SLTM: variants seen among roughly 807,000 people sequenced by gnomAD.
SLTM encodes the protein SAFB like transcription modulator.
Under a neutral mutation model 134.6 loss-of-function variants are expected in SLTM, and 43 were observed. The ratio of observed to expected loss-of-function variants is 0.32; its 90% confidence interval spans 0.25 to 0.41. SLTM has a LOEUF of 0.41. Among genes scored for constraint, SLTM ranks in the 10% least tolerant of loss-of-function variants. The pLI is 1.00. For synonymous variants in SLTM, 424 were observed against 432.3 expected, an observed-to-expected ratio of 0.98 and a Z score of 0.24; for missense variants, 1,055 against 1,288.8, an observed-to-expected ratio of 0.82 and a Z score of 2.78.
intron 2 of SLTM, among the ~76,000 whole-genome samples, chr15:58,928,728 CTCG>C (rs1426905909): frequency 6.6e-6 from 1 of 152,122 alleles, no homozygotes; most frequent in African/African-American, 2.4e-5. Flanking sequence ...TATGAAGCTT[CTCG>C]TCATTTAACT....
intron 19 of SLTM, among the ~76,000 whole-genome samples, chr15:58,884,613 G>A (rs894261437): frequency 4.0e-5 from 6 of 151,872 alleles, no homozygotes; most frequent in African/African-American, 1.5e-4. Context: ...CACCACACCT[G>A]GCCAATTCCT....
intron 7 of SLTM, 67 bp from the exon 8 acceptor site, chr15:58,898,919 T>G: frequency 8.6e-7 from 1 of 1,158,074 alleles, no homozygotes; most frequent in Non-Finnish European, 1.3e-6. Flanking sequence ...ACAGAACAGC[T>G]TGATATTTAC....
chr15:58,917,096 AAACT>A (rs2036703469), intron 2 of SLTM, 97 bp from the exon 3 acceptor site: 1 of 1,093,568 alleles, frequency 9.1e-7, no homozygotes, highest in Non-Finnish European at 1.4e-6. Context: ...CTCCACTCCC[AAACT>A]ATCTGACAAA....
chr15:58,909,397 C>T (rs2036098655), intron 5 of SLTM, among the ~76,000 whole-genome samples: 1 of 152,150 alleles, frequency 6.6e-6, no homozygotes, highest in Admixed American at 6.5e-5. Context: ...AGTGAAGCAG[C>T]TCAATATTCT....
chr15:58,883,709 T>G lies in SLTM; in HGVS notation c.2913A>C (p.Pro971=). 1 of 1,613,962 alleles carries G rather than the reference T, an allele frequency of 6.2e-7. No individual in the cohort carries two copies. Among genetic ancestry groups the G allele is most frequent in the South Asian group, 1.1e-5 (1 of 91,070 alleles). ...TSGPRKEWHG[P]PSQGPSYHDT... ...CATGATAGCTAGGCCCTTGAGAGGG[T>G]GGACCATGCCACTCTTTCCTTGGTC... is the stretch of plus-strand genomic sequence containing the variant. Residue 971 remains proline (P), a synonymous_variant, in exon 20 of 21, where the codon CCA becomes CCC. Coordinates refer to ENST00000380516, the MANE Select transcript of SLTM (RefSeq NM_024755.4).
chr15:58,903,315 A>G (rs4424860), intron 5 of SLTM, among the ~76,000 whole-genome samples: 147,393 of 152,302 alleles, frequency 0.97, 71,489 homozygotes, highest in East Asian at 1. Flanking sequence ...GATTACAGGC[A>G]TGGGCCAGCG....
chr15:58,932,742 C>A (rs1438636305), intron 1 of SLTM, among the ~76,000 whole-genome samples: 2 of 152,190 alleles, frequency 1.3e-5, no homozygotes, highest in African/African-American at 4.8e-5. Flanking sequence ...AGAAAAGTTG[C>A]TAGCTACTAA....
chr15:58,899,391 A>T lies in SLTM; in HGVS notation c.1058+78T>A, dbSNP rs766853362. 2.6e-6 allele frequency: 3 copies of T among 1,168,264 alleles called. No homozygotes were observed. Among genetic ancestry groups the T allele is most frequent in the Admixed American group, 1.9e-5 (1 of 52,038 alleles). The allele number at this position is 1,168,264 out of a possible 1,614,324, so 72.4% of individuals were successfully genotyped here. A position where few individuals can be genotyped will look rare whatever the true frequency, so the allele number is the denominator to read the frequency against. On this transcript the variant is annotated intron_variant, in intron 7 of 20. Coordinates refer to ENST00000380516, the MANE Select transcript of SLTM (RefSeq NM_024755.4). This position sits in a 1 kb window ranked among gnomAD's most constrained non-coding sequence, Gnocchi z 5.0. ...CACTAATTACTGTACATGTTCTTGAAGCCACCCCCTTAATGTAGAGTGATC... is the reference window on the plus strand; with the variant it reads ...CACTAATTACTGTACATGTTCTTGATGCCACCCCCTTAATGTAGAGTGATC...
chr15:58,915,768 G>A (rs1489410511), intron 3 of SLTM, among the ~76,000 whole-genome samples: 1 of 151,824 alleles, frequency 6.6e-6, no homozygotes, highest in African/African-American at 2.4e-5. Flanking sequence ...GAGATGGGTG[G>A]GTAAATGAAC....
intron 3 of SLTM, among the ~76,000 whole-genome samples, chr15:58,914,142 T>G (rs1361489985): frequency 6.6e-6 from 1 of 152,204 alleles, no homozygotes; most frequent in Admixed American, 6.5e-5. Context: ...TCTTGAAAAA[T>G]ATGCAAATAA....
At position 58,879,825 on chromosome 15, in the gene SLTM, C is replaced by T. The variant is rs1163967252; in HGVS notation, c.*174G>A. 1 of 749,782 alleles carries T rather than the reference C, an allele frequency of 1.3e-6. No homozygotes were observed. The highest frequency in any genetic ancestry group is 2.9e-5 in the East Asian group (1 of 34,014). The allele number at this position is 749,782 out of a possible 1,614,324, so 46.4% of individuals were successfully genotyped here. A position where few individuals can be genotyped will look rare whatever the true frequency, so the allele number is the denominator to read the frequency against. ...TACACAAAACTATTAAAAGTTACAACAGAACTATTTAAACATCTTCTCCAA... is the reference window on the plus strand; with the variant it reads ...TACACAAAACTATTAAAAGTTACAATAGAACTATTTAAACATCTTCTCCAA... On this transcript the variant is annotated 3_prime_UTR_variant, in exon 21 of 21. Coordinates refer to ENST00000380516, the MANE Select transcript of SLTM (RefSeq NM_024755.4).
intron 20 of SLTM, among the ~76,000 whole-genome samples, chr15:58,881,423 A>G (rs2033699705): frequency 6.6e-6 from 1 of 151,642 alleles, no homozygotes; most frequent in African/African-American, 2.4e-5. Flanking sequence ...GTTACTTGGG[A>G]GGCCAAGGAA....
At chr15:58,886,205 G>C (rs1432457655) in intron 19 of SLTM, among the ~76,000 whole-genome samples, 1 of 147,044 alleles carries the variant, frequency 6.8e-6, no homozygotes, top group Non-Finnish European at 1.5e-5. Context: ...AAATGAAGCA[G>C]GAGAAAAAGA....
chr15:58,917,345 T>G (rs776382543), intron 2 of SLTM, among the ~76,000 whole-genome samples: 2 of 152,186 alleles, frequency 1.3e-5, no homozygotes, highest in Non-Finnish European at 2.9e-5. Flanking sequence ...ACTATATATA[T>G]AGACACCTGA....
At chr15:58,930,965 A>G (rs1483985491) in intron 2 of SLTM, among the ~76,000 whole-genome samples, 1 of 152,122 alleles carries the variant, frequency 6.6e-6, no homozygotes, top group Non-Finnish European at 1.5e-5. Flanking sequence ...TAGTCAACTC[A>G]AACAACCTGG....
chr15:58,927,857 C>T (rs6494044), intron 2 of SLTM, among the ~76,000 whole-genome samples: 63 of 152,278 alleles, frequency 4.1e-4, no homozygotes, highest in African/African-American at 1.4e-3. Context: ...AAGCTAATTA[C>T]AGTACACTAT....
At chr15:58,923,349 C>A (rs1347308447) in intron 2 of SLTM, among the ~76,000 whole-genome samples, 1 of 152,194 alleles carries the variant, frequency 6.6e-6, no homozygotes, top group South Asian at 2.1e-4. Context: ...CAGAGTGAGA[C>A]TCCTCAAAAA....
intron 2 of SLTM, among the ~76,000 whole-genome samples, chr15:58,919,813 G>A (rs1436172807): frequency 6.6e-6 from 1 of 152,036 alleles, no homozygotes. Flanking sequence ...ATTTGTCCAA[G>A]CACCCTATGA....
intron 2 of SLTM, 142 bp downstream of exon 2, chr15:58,932,212 CTT>C: frequency 1.5e-6 from 1 of 648,332 alleles, no homozygotes; most frequent in Non-Finnish European, 2.8e-6. Context: ...GCAACAGTAA[CTT>C]TTCTTCCTTG....
Sources: gnomAD v4.1 joint callset for allele counts (sites outside exome capture counted in the v4.1 genomes callset) on GRCh38, gnomAD v4.1.1 for gene constraint, Gnocchi (gnomAD v3.1) non-coding constraint, MANE v1.5 for transcripts, NCBI Gene and HGNC (gene_info 2026-07-23, HGNC 2026-07-21) for gene names.